ASCC3: variants seen among roughly 807,000 people sequenced by gnomAD.
ASCC3 encodes the protein activating signal cointegrator 1 complex subunit 3.
Under a neutral mutation model 256.3 loss-of-function variants are expected in ASCC3, and 158 were observed. The ratio of observed to expected loss-of-function variants is 0.62; its 90% confidence interval spans 0.54 to 0.70. ASCC3 has a LOEUF of 0.70. ASCC3 is among the 30% of genes least tolerant of loss of function. The pLI is 0.00. For synonymous variants in ASCC3, 948 were observed against 883.4 expected (o/e 1.07, Z -1.30); for missense variants, 2,259 against 2,626.0 (o/e 0.86, Z 3.05).
chr6:100,515,882 A>AT (rs1311969908), intron 39 of ASCC3, among the ~76,000 whole-genome samples: 1 of 152,194 alleles, frequency 6.6e-6, no homozygotes, highest in Non-Finnish European at 1.5e-5. Flanking sequence ...ACAACTTCTC[A>AT]TAATGCCAAT....
Position 100,589,715 on chromosome 6 carries a change from A to G in ASCC3, c.5469T>C (p.Tyr1823=). The G allele has an allele frequency of 6.2e-7, 1 of 1,613,890 alleles. No homozygotes were observed. Among genetic ancestry groups the G allele is most frequent in the Non-Finnish European group, 8.5e-7 (1 of 1,179,842 alleles). The stretch of plus-strand genomic sequence containing the variant: ...ACATTTTAACTGTTTGATGCTTCAA[A>G]TAGTAATAGGAGGCAATTCGGCCAT... The part of the protein sequence containing the change: ...LTYGRIASYY[Y]LKHQTVKMFK... The change falls in exon 36 of 42, where the codon TAT becomes TAC. Residue 1823 remains tyrosine (Y), a synonymous_variant. Coordinates refer to ENST00000369162, the MANE Select transcript of ASCC3 (RefSeq NM_006828.4).
At chr6:100,678,415 T>TA (rs1279088154) in intron 14 of ASCC3, among the ~76,000 whole-genome samples, 1 of 151,884 alleles carries the variant, frequency 6.6e-6, no homozygotes, top group African/African-American at 2.4e-5. Context: ...GTAATAAAAG[T>TA]AAAAAAATAG....
intron 16 of ASCC3, 46 bp from the exon 17 acceptor site, chr6:100,655,864 A>G: frequency 6.3e-7 from 1 of 1,599,040 alleles, no homozygotes; most frequent in African/African-American, 1.3e-5. Flanking sequence ...AAAGTTGAAC[A>G]TAAACATTAC....
At chr6:100,565,539 C>T (rs1279134933) in intron 36 of ASCC3, among the ~76,000 whole-genome samples, 2 of 152,152 alleles carry the variant, frequency 1.3e-5, no homozygotes, top group African/African-American at 2.4e-5. Context: ...GATAATGTCA[C>T]ATTAAAGAGC....
intron 3 of ASCC3, chr6:100,857,300 G>A (rs972416922): frequency 5.3e-5 from 8 of 151,908 alleles, no homozygotes; most frequent in Non-Finnish European, 1.2e-4. Flanking sequence ...CTGGATAAAA[G>A]CTCTCTTTTT....
chr6:100,678,523 T>C (rs951667902), intron 14 of ASCC3, among the ~76,000 whole-genome samples: 2 of 152,182 alleles, frequency 1.3e-5, no homozygotes, highest in Non-Finnish European at 2.9e-5. Flanking sequence ...CAATATAAAA[T>C]AGTGAAATTT....
intron 36 of ASCC3, among the ~76,000 whole-genome samples, chr6:100,562,097 T>C (rs557843416): frequency 6.6e-6 from 1 of 152,256 alleles, no homozygotes; most frequent in African/African-American, 2.4e-5. Flanking sequence ...ATCAAATTTC[T>C]GAGATAAGCT....
intron 36 of ASCC3, among the ~76,000 whole-genome samples, chr6:100,585,914 T>C (rs1336064115): frequency 6.6e-6 from 1 of 152,162 alleles, no homozygotes; most frequent in Non-Finnish European, 1.5e-5. Flanking sequence ...GAACCGCGAA[T>C]GCTGCTGTCT....
intron 10 of ASCC3, among the ~76,000 whole-genome samples, chr6:100,738,305 C>T (rs780890646): frequency 2.0e-5 from 3 of 152,178 alleles, no homozygotes; most frequent in Non-Finnish European, 4.4e-5. Flanking sequence ...TGCCTATGTC[C>T]TCAGTGGTAC....
intron 13 of ASCC3, among the ~76,000 whole-genome samples, chr6:100,714,297 T>C (rs1778990883): frequency 6.6e-6 from 1 of 152,168 alleles, no homozygotes. Context: ...TTTTTTAATT[T>C]AAAGAAAGAA....
At chr6:100,585,129 C>A (rs1771575128) in intron 36 of ASCC3, among the ~76,000 whole-genome samples, 2 of 152,140 alleles carry the variant, frequency 1.3e-5, no homozygotes, top group Non-Finnish European at 2.9e-5. Context: ...GTTGGCCTGC[C>A]TTGCTAGATT....
intron 13 of ASCC3, among the ~76,000 whole-genome samples, chr6:100,681,276 C>A (rs1777288072): frequency 6.6e-6 from 1 of 151,728 alleles, no homozygotes; most frequent in African/African-American, 2.4e-5. Context: ...ACAAAAAAAC[C>A]CAAAATGTTT....
chr6:100,753,060 T>A (rs1252892414), intron 10 of ASCC3, among the ~76,000 whole-genome samples: 1 of 152,088 alleles, frequency 6.6e-6, no homozygotes, highest in African/African-American at 2.4e-5. Context: ...GGCCAAATTA[T>A]ATGGCTCTAA....
At chr6:100,516,646 C>G (rs1237054142) in intron 38 of ASCC3, among the ~76,000 whole-genome samples, 1 of 152,024 alleles carries the variant, frequency 6.6e-6, no homozygotes, top group African/African-American at 2.4e-5. Flanking sequence ...CTGATCTGGA[C>G]CCCTGACATG....
chr6:100,720,770 A>G (rs1304984793), intron 11 of ASCC3, among the ~76,000 whole-genome samples: 1 of 150,606 alleles, frequency 6.6e-6, no homozygotes, highest in African/African-American at 2.4e-5. Flanking sequence ...TTAGAATTTG[A>G]TTACAATATA....
intron 4 of ASCC3, among the ~76,000 whole-genome samples, chr6:100,847,009 G>A (rs541584326): frequency 6.6e-6 from 1 of 152,130 alleles, no homozygotes; most frequent in South Asian, 2.1e-4. Context: ...TATGACAAAT[G>A]AAGCTATTAT....
At chr6:100,793,562 T>A (rs9498390) in intron 8 of ASCC3, among the ~76,000 whole-genome samples, 83,408 of 151,708 alleles carry the variant, frequency 0.55, 23,299 homozygotes, top group South Asian at 0.75. Context: ...CCATTTTTTT[T>A]AATTTACAGA....
chr6:100,585,368 A>C (rs1166246862), intron 36 of ASCC3, among the ~76,000 whole-genome samples: 6 of 152,126 alleles, frequency 3.9e-5, no homozygotes, highest in Non-Finnish European at 7.3e-5. Context: ...CCAGTTGATC[A>C]CATCGGCTCC....
At chr6:100,780,747 A>T (rs1295528058) in intron 8 of ASCC3, among the ~76,000 whole-genome samples, 1 of 152,356 alleles carries the variant, frequency 6.6e-6, no homozygotes, top group East Asian at 1.9e-4. Context: ...GAATGTGTTA[A>T]ACAATGGAAT....
Sources: allele counts gnomAD v4.1 joint callset (sites outside exome capture counted in the v4.1 genomes callset), GRCh38; gene constraint gnomAD v4.1.1; transcripts MANE v1.5; gene names NCBI Gene and HGNC (gene_info 2026-07-23, HGNC 2026-07-21).